NEDD4L: variants seen among roughly 807,000 people sequenced by gnomAD.
The protein encoded by NEDD4L is E3 ubiquitin-protein ligase NEDD4-like.
In NEDD4L, 54 loss-of-function variants were observed where a neutral mutation model predicts 148.9. The observed-to-expected ratio is 0.36, with a 90% confidence interval of 0.29 to 0.45. The LOEUF (loss-of-function observed/expected upper bound fraction) is 0.45. Ranked by LOEUF, NEDD4L falls within the 20% of genes least tolerant of loss-of-function variation. The probability of loss-of-function intolerance (pLI) is 1.00; values close to 1 mark genes in which losing one functional copy is unlikely to be tolerated. For synonymous variants in NEDD4L, 433 were observed against 440.7 expected (o/e 0.98, Z 0.22); for missense variants, 856 against 1,233.8 (o/e 0.69, Z 4.59).
At chr18:58,350,849 A>G in intron 17 of NEDD4L, 142 bp from the exon 18 acceptor site, 1 of 599,018 alleles carries the variant, frequency 1.7e-6, no homozygotes, top group East Asian at 2.9e-5. Flanking sequence ...AAATGTTCAT[A>G]TTTAGTTCAC....
intron 1 of NEDD4L, among the ~76,000 whole-genome samples, chr18:58,136,477 G>A (rs968190092): frequency 1.3e-5 from 2 of 152,172 alleles, no homozygotes; most frequent in Admixed American, 1.3e-4. Context: ...GTCTTCCAGC[G>A]ATTTTCATTT....
intron 1 of NEDD4L, among the ~76,000 whole-genome samples, chr18:58,122,298 G>A (rs1005148904): frequency 6.6e-6 from 1 of 152,092 alleles, no homozygotes; most frequent in Non-Finnish European, 1.5e-5. Context: ...TCAGGAGTTC[G>A]AGACCAGTCT....
intron 2 of NEDD4L, among the ~76,000 whole-genome samples, chr18:58,201,601 C>T (rs1018944368): frequency 1.3e-5 from 2 of 152,138 alleles, no homozygotes; most frequent in Non-Finnish European, 2.9e-5. Context: ...TATATGAGTT[C>T]ACCACTAACT....
At chr18:58,180,650 TTTCTCATTTATTTTA>T (rs2038757929) in intron 2 of NEDD4L, among the ~76,000 whole-genome samples, 2 of 152,260 alleles carry the variant, frequency 1.3e-5, no homozygotes, top group South Asian at 4.1e-4. Context: ...TTTCATTAAT[TTTCTCATTTATTTTA>T]TTCTGTAGGT....
At chr18:58,059,498 A>T (rs541994799) in intron 1 of NEDD4L, among the ~76,000 whole-genome samples, 1 of 152,286 alleles carries the variant, frequency 6.6e-6, no homozygotes, top group African/African-American at 2.4e-5. Flanking sequence ...TCCAGGATCC[A>T]TGCTGCCTGG....
chr18:58,234,603 G>A (rs567448402), intron 2 of NEDD4L, among the ~76,000 whole-genome samples: 2 of 151,962 alleles, frequency 1.3e-5, no homozygotes, highest in Admixed American at 6.5e-5. Flanking sequence ...CCAAAGGGGC[G>A]AGATTACAGG....
intron 1 of NEDD4L, among the ~76,000 whole-genome samples, chr18:58,101,170 G>A (rs2084731181): frequency 6.6e-6 from 1 of 152,154 alleles, no homozygotes; most frequent in African/African-American, 2.4e-5. Context: ...ATGTCAGCAG[G>A]GAATGGATGT....
intron 24 of NEDD4L, among the ~76,000 whole-genome samples, chr18:58,381,696 G>A (rs189138744): frequency 4.8e-4 from 73 of 152,274 alleles, no homozygotes; most frequent in African/African-American, 1.5e-3. Flanking sequence ...AGTCTGGGGA[G>A]GAATAAATGG....
chr18:58,206,100 C>G (rs1039180818), intron 2 of NEDD4L, among the ~76,000 whole-genome samples: 17 of 152,118 alleles, frequency 1.1e-4, no homozygotes, highest in Non-Finnish European at 2.2e-4. Context: ...TGCACTGAAA[C>G]TTTCAGCATG....
intron 5 of NEDD4L, among the ~76,000 whole-genome samples, chr18:58,293,160 G>A (rs145226107): frequency 2.2e-4 from 34 of 152,314 alleles, no homozygotes; most frequent in African/African-American, 7.5e-4. Flanking sequence ...AACTTGGTTG[G>A]TGAGTAGCTG....
chr18:58,370,524 G>A (rs1242465646), intron 23 of NEDD4L, 57 bp downstream of exon 23: 1 of 1,137,252 alleles, frequency 8.8e-7, no homozygotes, highest in Non-Finnish European at 1.3e-6. Flanking sequence ...CTTATGAGAA[G>A]GTATTGGAGA....
rs142530831 is a variant in NEDD4L at position 58,377,738 on chromosome 18, G to GGTTT, written c.2352+4486_2352+4489dup. 6.2e-3 allele frequency among the ~76,000 whole-genome samples: 941 copies of GGTTT among 151,500 alleles called. 14 individuals carry two copies. The highest frequency in any genetic ancestry group is 0.017 in the African/African-American group (720 of 41,162). ...CAGAGCAACGTCTAATTTGGTTATGGGTTTGTTTGTTTGTTTGTTTTTTGA... is the reference window on the plus strand; with the variant it reads ...CAGAGCAACGTCTAATTTGGTTATGGGTTTGTTTGTTTGTTTGTTTGTTTTTTGA... On this transcript the variant is annotated intron_variant, in intron 24 of 30. Coordinates refer to ENST00000400345, the MANE Select transcript of NEDD4L (RefSeq NM_001144967.3).
intron 1 of NEDD4L, among the ~76,000 whole-genome samples, chr18:58,101,959 C>G (rs1359606459): frequency 1.3e-5 from 2 of 152,032 alleles, no homozygotes; most frequent in East Asian, 3.9e-4. Flanking sequence ...TTATTAAGAC[C>G]CTAATGTTGA....
At chr18:58,173,717 C>T (rs1424047439) in intron 2 of NEDD4L, among the ~76,000 whole-genome samples, 1 of 152,106 alleles carries the variant, frequency 6.6e-6, no homozygotes, top group East Asian at 1.9e-4. Context: ...CAGCCCAAAC[C>T]TCTAAAAAAC....
At chr18:58,183,502 T>C (rs1268416671) in intron 2 of NEDD4L, among the ~76,000 whole-genome samples, 1 of 152,238 alleles carries the variant, frequency 6.6e-6, no homozygotes, top group Non-Finnish European at 1.5e-5. Flanking sequence ...TCTTTCAACC[T>C]GCCCTCTGGC....
At chr18:58,255,890 C>G in intron 5 of NEDD4L, 4 of 1,232,128 alleles carry the variant, frequency 3.2e-6, no homozygotes, top group Non-Finnish European at 4.0e-6. Flanking sequence ...CATCGACGCC[C>G]GCCCCACGTG....
chr18:58,360,646 T>A lies in NEDD4L; in HGVS notation c.1767+3394T>A, dbSNP rs139043190. On this transcript the variant is annotated intron_variant, in intron 19 of 30. Transcript: ENST00000400345. ...ATTTATTTCTTAGCCTCTTTGAGAT[T>A]ATTCTATTATCTCTGGTCCTAGGAT... 2.5e-3 allele frequency among the ~76,000 whole-genome samples: 381 copies of A among 152,302 alleles called. 3 individuals carry two copies. The highest frequency in any genetic ancestry group is 8.8e-3 in the African/African-American group (367 of 41,564).
intron 8 of NEDD4L, among the ~76,000 whole-genome samples, chr18:58,324,612 G>A (rs1296212538): frequency 2.0e-5 from 3 of 152,308 alleles, no homozygotes; most frequent in South Asian, 4.1e-4. Context: ...GTACTGTGAC[G>A]CACATCATTG....
intron 5 of NEDD4L, among the ~76,000 whole-genome samples, chr18:58,301,874 TGGTGCCATGCCCTTTGATTCCCTACA>T (rs2056511477): frequency 6.6e-6 from 1 of 152,218 alleles, no homozygotes; most frequent in South Asian, 2.1e-4. Context: ...GAGTTACCAC[TGGTGCCATGCCCTTTGATTCCCTACA>T]GGCGCCCTAT....
Sources: allele counts gnomAD v4.1 joint callset (sites outside exome capture counted in the v4.1 genomes callset), GRCh38; gene constraint gnomAD v4.1.1; transcripts MANE v1.5; gene names NCBI Gene and HGNC (gene_info 2026-07-23, HGNC 2026-07-21).